PKD2L1: variants seen among roughly 807,000 people sequenced by gnomAD.
The protein encoded by PKD2L1 is polycystin 2 like 1, transient receptor potential cation channel.
A neutral mutation model predicts 93.0 loss-of-function variants in PKD2L1; 77 were observed. That is an observed-to-expected ratio of 0.83 (90% CI 0.69 to 1.00). The LOEUF is 1.00. Among genes scored for constraint, PKD2L1 ranks in the 50% least tolerant of loss-of-function variants. The pLI is 0.00. For synonymous variants in PKD2L1, 390 were observed against 388.0 expected, an observed-to-expected ratio of 1.01 and a Z score of -0.06; for missense variants, 977 against 990.9, an observed-to-expected ratio of 0.99 and a Z score of 0.19.
chr10:100,301,510 A>C (rs1848675071), intron 2 of PKD2L1, among the ~76,000 whole-genome samples: 1 of 147,042 alleles, frequency 6.8e-6, no homozygotes, highest in Non-Finnish European at 1.5e-5. Flanking sequence ...AATATTCCTT[A>C]CTGGGGAAAG....
chr10:100,293,415 C>T (rs373414959), intron 9 of PKD2L1, 36 bp from the exon 10 acceptor site: 18 of 1,320,462 alleles, frequency 1.4e-5, no homozygotes, highest in Admixed American at 5.0e-5. Context: ...TCCTCACCCC[C>T]AGACCCACTG....
chr10:100,312,250 T>C (rs1848951149), intron 2 of PKD2L1, among the ~76,000 whole-genome samples: 1 of 152,220 alleles, frequency 6.6e-6, no homozygotes, highest in Non-Finnish European at 1.5e-5. Context: ...CACTCACATC[T>C]GCTTCAGTAA....
At chr10:100,321,176 C>T (rs776102946) in intron 2 of PKD2L1, among the ~76,000 whole-genome samples, 5 of 151,920 alleles carry the variant, frequency 3.3e-5, no homozygotes, top group South Asian at 2.1e-4. Flanking sequence ...TAGCAACACC[C>T]GACACAGGCA....
chr10:100,325,211 C>T (rs906333618), intron 2 of PKD2L1, among the ~76,000 whole-genome samples: 4 of 152,136 alleles, frequency 2.6e-5, no homozygotes, highest in Admixed American at 2.0e-4. Flanking sequence ...CATTGTAATA[C>T]CTAAAGCATT....
At position 100,288,314 on chromosome 10, in the gene PKD2L1, C is replaced by A. The variant is rs915601921; in HGVS notation, c.*82G>T. 1.9e-5 allele frequency: 16 copies of A among 860,440 alleles called. No homozygotes were observed. The highest frequency in any genetic ancestry group is 3.0e-5 in the Non-Finnish European group (15 of 501,366). 53.3% of individuals were successfully genotyped at this position (860,440 alleles called of 1,614,324 possible). ...ATTTTTATCTCCTGGTTAAAGCCCA[C>A]TCAGTTTCCAGGTTCAGTGGACCAG... On this transcript the variant is annotated 3_prime_UTR_variant, in exon 16 of 16. Coordinates refer to ENST00000318222, the MANE Select transcript of PKD2L1 (RefSeq NM_016112.3).
In PKD2L1 at chr10:100,321,751, GAAAGA is replaced by G. The variant is rs1564894521; in HGVS notation, c.349+7455_349+7459del. On this transcript the variant is annotated intron_variant, in intron 2 of 15. Transcript: ENST00000318222. ...AGAAAGAAAGAAAGAAAGAAAGAAA[GAAAGA>G]AGGGAGGGAGGGAGGGAGGGAGGGA... Among the ~76,000 whole-genome samples, 18 of 6,970 alleles carry G rather than the reference GAAAGA, an allele frequency of 2.6e-3. 3 individuals are homozygous for G. Among genetic ancestry groups the G allele is most frequent in the Non-Finnish European group, 3.9e-3 (12 of 3,096 alleles). The allele number at this position is 6,970 out of a possible 152,430, so 4.6% of individuals were successfully genotyped here. A position where few individuals can be genotyped will look rare whatever the true frequency, so the allele number is the denominator to read the frequency against.
At chr10:100,315,013 A>T in intron 2 of PKD2L1, among the ~76,000 whole-genome samples, 1 of 9,776 alleles carries the variant, frequency 1.0e-4, no homozygotes, top group Admixed American at 1.4e-3. Flanking sequence ...GAAGGAAGGA[A>T]GGGAAGGGAA....
At position 100,330,008 on chromosome 10, in the gene PKD2L1, G is replaced by T. The variant is rs184117313; in HGVS notation, c.96C>A (p.His32Gln). The T allele has an allele frequency of 6.2e-7, 1 of 1,613,754 alleles. No individual in the cohort carries two copies. ...NPAYSGPPSPHGTLRVCTISS... is the reference protein window; with the variant it reads ...NPAYSGPPSPQGTLRVCTISS... ...AGATGGTGCAGACTCTCAGCGTCCCGTGTGGGGAAGGGGGACCACTGTAGG... is the reference window on the plus strand; with the variant it reads ...AGATGGTGCAGACTCTCAGCGTCCCTTGTGGGGAAGGGGGACCACTGTAGG... The change falls in exon 1 of 16, where the codon CAC becomes CAA. Residue 32 changes from histidine to glutamine, a missense_variant. His to Gln is a conservative substitution (Grantham distance 24, BLOSUM62 0). Coordinates refer to ENST00000318222, the MANE Select transcript of PKD2L1 (RefSeq NM_016112.3).
At chr10:100,327,390 C>T (rs1428274552) in intron 2 of PKD2L1, among the ~76,000 whole-genome samples, 1 of 152,192 alleles carries the variant, frequency 6.6e-6, no homozygotes, top group African/African-American at 2.4e-5. Flanking sequence ...AAGTCACAGA[C>T]CATCTGGCAA....
chr10:100,315,105 GGAAGGGAAGGGAAGAGAAAA>G lies in PKD2L1; in HGVS notation c.349+14086_349+14105del. Among the ~76,000 whole-genome samples, 8 of 134,372 alleles carry G rather than the reference GGAAGGGAAGGGAAGAGAAAA, an allele frequency of 6.0e-5. 3 individuals are homozygous for G. Among genetic ancestry groups the G allele is most frequent in the Admixed American group, 1.5e-4 (2 of 13,296 alleles). The allele number at this position is 134,372 out of a possible 152,430, so 88.2% of individuals were successfully genotyped here. ...GGAAGGGAAGGGAAGGGAAGGGAAG[GGAAGGGAAGGGAAGAGAAAA>G]CAGTTGAAATGATTATATACCAAAC... is the stretch of plus-strand genomic sequence containing the variant. On this transcript the variant is annotated intron_variant, in intron 2 of 15. Coordinates refer to ENST00000318222, the MANE Select transcript of PKD2L1 (RefSeq NM_016112.3).
intron 2 of PKD2L1, among the ~76,000 whole-genome samples, chr10:100,318,521 C>CTTTT (rs535608372): frequency 7.2e-6 from 1 of 139,696 alleles, no homozygotes; most frequent in African/African-American, 2.6e-5. Flanking sequence ...TTTTTCTTTT[C>CTTTT]TTTTTTTTTT....
intron 9 of PKD2L1, among the ~76,000 whole-genome samples, chr10:100,293,609 A>G (rs1474629111): frequency 1.3e-5 from 2 of 152,190 alleles, no homozygotes; most frequent in African/African-American, 4.8e-5. Flanking sequence ...CCTCACTCTC[A>G]GTTGCTGTAG....
At position 100,327,175 on chromosome 10, in the gene PKD2L1, G is replaced by C. The variant is rs532864353; in HGVS notation, c.349+2036C>G. Among the ~76,000 whole-genome samples the C allele has an allele frequency of 6.6e-5, 10 of 152,322 alleles. No individual in the cohort carries two copies. The East Asian group carries it at 1.9e-3, about 29-fold the overall frequency. ...AGGAAGGAAACAGAGCTGCCCAATAGTAGAATGGGTTGCCTCATGAAACAG... is the reference window on the plus strand; with the variant it reads ...AGGAAGGAAACAGAGCTGCCCAATACTAGAATGGGTTGCCTCATGAAACAG... On this transcript the variant is annotated intron_variant, in intron 2 of 15. Transcript: ENST00000318222.
In PKD2L1 at chr10:100,296,156, ATGT is replaced by A. The variant is rs749543306; in HGVS notation, c.1319_1321del (p.Asn440del). On this transcript the variant is annotated inframe_deletion, in exon 7 of 16. Transcript: ENST00000318222. The stretch of plus-strand genomic sequence containing the variant: ...GGCGAAGAAGAGGTTGACAGCATTC[ATGT>A]TGTTGTACTGTGTCTGCCAGAAGGC... The A allele has an allele frequency of 1.8e-5, 29 of 1,611,520 alleles. No individual in the cohort carries two copies. The Middle Eastern group carries it at 8.3e-4, about 46-fold the overall frequency.
intron 2 of PKD2L1, among the ~76,000 whole-genome samples, chr10:100,307,121 A>G (rs969451224): frequency 1.3e-5 from 2 of 152,164 alleles, no homozygotes; most frequent in African/African-American, 4.8e-5. Context: ...AAGAAAGGAC[A>G]AGACTAGACA....
At chr10:100,314,588 C>A (rs1160003204) in intron 2 of PKD2L1, among the ~76,000 whole-genome samples, 1 of 152,184 alleles carries the variant, frequency 6.6e-6, no homozygotes, top group Non-Finnish European at 1.5e-5. Flanking sequence ...TAGCCATCAG[C>A]ACTTTAGGGG....
intron 7 of PKD2L1, 81 bp downstream of exon 7, chr10:100,296,041 A>G (rs1175205231): frequency 1.1e-5 from 15 of 1,363,618 alleles, no homozygotes; most frequent in East Asian, 2.4e-5. Context: ...TCTCAAAAAA[A>G]AAAAAAAGAA....
intron 2 of PKD2L1, among the ~76,000 whole-genome samples, chr10:100,300,789 TG>T (rs1230896711): frequency 1.3e-5 from 2 of 152,230 alleles, no homozygotes; most frequent in Non-Finnish European, 2.9e-5. Context: ...TACGTGTTTT[TG>T]TGGGGAGACC....
rs796107545 is a variant in PKD2L1 at position 100,297,283 on chromosome 10, C to T, written c.957-75G>A. 23 of 1,536,182 alleles carry T rather than the reference C, an allele frequency of 1.5e-5. No individual in the cohort carries two copies. The African/African-American group carries it at 3.1e-4, about 21-fold the overall frequency. On this transcript the variant is annotated intron_variant, in intron 5 of 15. Transcript: ENST00000318222. ...CTCCTCCCACTTCCTCTCCTCTCCA[C>T]CCCCACCACAGGGTAGGAGTTTAGG...
Sources: gnomAD v4.1 joint callset for allele counts (sites outside exome capture counted in the v4.1 genomes callset) on GRCh38, gnomAD v4.1.1 for gene constraint, MANE v1.5 for transcripts, NCBI Gene and HGNC (gene_info 2026-07-23, HGNC 2026-07-21) for gene names.